The following EXOSC9 variants were observed in gnomAD, a reference collection of about 807,000 sequenced individuals.
The protein encoded by EXOSC9 is exosome complex component RRP45.
EXOSC9 carries 38 observed loss-of-function variants against 56.5 expected under a neutral mutation model. The observed-to-expected ratio is 0.67, with a 90% confidence interval of 0.52 to 0.88. EXOSC9 has a LOEUF of 0.88. EXOSC9 is among the 40% of genes least tolerant of loss of function. The pLI, the probability that EXOSC9 is intolerant of heterozygous loss-of-function variation, is 0.00. For synonymous variants in EXOSC9, 170 were observed against 170.8 expected, an observed-to-expected ratio of 0.99 and a Z score of 0.04; for missense variants, 559 against 530.5, an observed-to-expected ratio of 1.05 and a Z score of -0.53.
chr4:121,804,483 T>C, intron 4 of EXOSC9, 139 bp from the exon 5 acceptor site: 1 of 508,666 alleles, frequency 2.0e-6, no homozygotes, highest in Non-Finnish European at 3.3e-6. Context: ...AAAATATATT[T>C]TTTGTTGACA....
intron 6 of EXOSC9, 124 bp downstream of exon 6, chr4:121,807,746 C>T (rs1727066532): frequency 1.6e-6 from 1 of 637,556 alleles, no homozygotes; most frequent in Non-Finnish European, 2.8e-6. Flanking sequence ...CTTGTATTTC[C>T]TTTCTTTCTT....
In EXOSC9 at chr4:121,816,950, T is replaced by C. The variant is rs949102818; in HGVS notation, c.*94T>C. The C allele has an allele frequency of 8.3e-7, 1 of 1,201,812 alleles. No homozygotes were observed. The highest frequency in any genetic ancestry group is 1.1e-6 in the Non-Finnish European group (1 of 895,486). The allele number at this position is 1,201,812 out of a possible 1,614,324, so 74.4% of individuals were successfully genotyped here. A position where few individuals can be genotyped will look rare whatever the true frequency, so the allele number is the denominator to read the frequency against. Reference sequence around the variant, plus strand: ...GTATTTTTTATTCACAAATCCATTATAAAATCTAGCAGGATTTTAAAAATA... The same window carrying C: ...GTATTTTTTATTCACAAATCCATTACAAAATCTAGCAGGATTTTAAAAATA... On this transcript the variant is annotated 3_prime_UTR_variant, in exon 12 of 12. Transcript: ENST00000243498.
At chr4:121,803,551 A>AT (rs1266766092) in intron 4 of EXOSC9, among the ~76,000 whole-genome samples, 6 of 151,818 alleles carry the variant, frequency 4.0e-5, no homozygotes, top group African/African-American at 9.7e-5. Flanking sequence ...ATTTTGTTTT[A>AT]TTTTTTTGAG....
At chr4:121,802,864 A>G in intron 3 of EXOSC9, 51 bp from the exon 4 acceptor site, 1 of 1,609,996 alleles carries the variant, frequency 6.2e-7, no homozygotes, top group Non-Finnish European at 8.5e-7. Context: ...TTGTTTTAAT[A>G]CCTGGTGTTA....
chr4:121,804,781 G>T, intron 5 of EXOSC9, 22 bp downstream of exon 5: 2 of 1,550,444 alleles, frequency 1.3e-6, no homozygotes, highest in Non-Finnish European at 1.8e-6. Context: ...TGTGAACCAG[G>T]ATCCTTGATA....
At chr4:121,810,126 A>C in intron 7 of EXOSC9, 27 bp downstream of exon 7, 1 of 1,600,118 alleles carries the variant, frequency 6.2e-7, no homozygotes, top group Non-Finnish European at 8.5e-7. Flanking sequence ...ATGTCCCATT[A>C]ATAATAGGTT....
In EXOSC9 at chr4:121,810,969, A is replaced by G. The variant is rs149148404; in HGVS notation, c.739-614A>G. Reference sequence around the variant, plus strand: ...TTGGCAGTAGTTCTGAAACCCAGCTATATATCATATTCACATGGGAGCTTT... The same window carrying G: ...TTGGCAGTAGTTCTGAAACCCAGCTGTATATCATATTCACATGGGAGCTTT... On this transcript the variant is annotated intron_variant, in intron 7 of 11. Coordinates refer to ENST00000243498, the MANE Select transcript of EXOSC9 (RefSeq NM_005033.3). Among the ~76,000 whole-genome samples, 632 of 152,324 alleles carry G rather than the reference A, an allele frequency of 4.1e-3. 10 individuals carry two copies. The highest frequency in any genetic ancestry group is 0.014 in the African/African-American group (592 of 41,586).
At chr4:121,805,259 C>A (rs1016273139) in intron 5 of EXOSC9, among the ~76,000 whole-genome samples, 2 of 152,218 alleles carry the variant, frequency 1.3e-5, no homozygotes, top group African/African-American at 4.8e-5. Context: ...CAAAGTAAAA[C>A]AGGGCTAGGA....
At position 121,808,836 on chromosome 4, in the gene EXOSC9, A is replaced by T. The variant is rs529921845; in HGVS notation, c.606-1131A>T. ...GGGACCACAGGTGCACACCATGCCC[A>T]GCTAATTTCTTTATTTTTTGTAGAG... On this transcript the variant is annotated intron_variant, in intron 6 of 11. Transcript: ENST00000243498. Among the ~76,000 whole-genome samples, 15 of 151,678 alleles carry T rather than the reference A, an allele frequency of 9.9e-5. 1 individual carries two copies. The South Asian group carries it at 2.5e-3, about 25-fold the overall frequency.
At chr4:121,802,837 C>A (rs1230859754) in intron 3 of EXOSC9, 44 bp downstream of exon 3, 7 of 1,612,644 alleles carry the variant, frequency 4.3e-6, no homozygotes, top group Non-Finnish European at 5.9e-6. Flanking sequence ...ATAGGAGAAC[C>A]TAACAGCAGT....
intron 10 of EXOSC9, chr4:121,815,314 C>G: frequency 1.0e-6 from 1 of 956,912 alleles, no homozygotes; most frequent in Non-Finnish European, 1.2e-6. Context: ...TGTTAATATC[C>G]TTGCACTTGC....
intron 6 of EXOSC9, chr4:121,809,731 A>G (rs1727152399): frequency 5.6e-6 from 3 of 535,236 alleles, no homozygotes; most frequent in Non-Finnish European, 1.0e-5. Context: ...AGTAAATCCA[A>G]TCTGAACTTA....
chr4:121,801,884 G>C lies in EXOSC9; in HGVS notation c.124G>C (p.Asp42His), dbSNP rs1726878090. The C allele has an allele frequency of 6.2e-7, 1 of 1,613,888 alleles. No homozygotes were observed. Among genetic ancestry groups the C allele is most frequent in the Non-Finnish European group, 8.5e-7 (1 of 1,179,878 alleles). ...YRNIRISFGT[D>H]YGCCIVELGK... Reference sequence around the variant, plus strand: ...GAACATCAGGATCTCATTTGGAACAGATTACGGATGCTGCATTGTGGAACT... The same window carrying C: ...GAACATCAGGATCTCATTTGGAACACATTACGGATGCTGCATTGTGGAACT... The change falls in exon 2 of 12, where the codon GAT becomes CAT. Residue 42 changes from aspartate (D) to histidine (H), a missense_variant. By Grantham distance (81) the Asp-to-His change is moderately conservative. Coordinates refer to ENST00000243498, the MANE Select transcript of EXOSC9 (RefSeq NM_005033.3).
chr4:121,814,800 C>T (rs940886094), intron 10 of EXOSC9: 22 of 152,076 alleles, frequency 1.4e-4, no homozygotes, highest in Non-Finnish European at 2.9e-5. Flanking sequence ...TAGTCCTAGA[C>T]GTTTCTTGCA....
chr4:121,803,043 A>G (rs1233363507), intron 4 of EXOSC9, 26 bp downstream of exon 4: 2 of 1,449,486 alleles, frequency 1.4e-6, no homozygotes, highest in Admixed American at 3.4e-5. Context: ...ATAATTCTTA[A>G]TCTTAGGATG....
intron 10 of EXOSC9, chr4:121,815,529 CTAAT>C (rs1286503366): frequency 2.0e-6 from 2 of 984,790 alleles, no homozygotes; most frequent in African/African-American, 1.7e-5. Context: ...ATATCATTAA[CTAAT>C]AAGCAGGAGA....
intron 8 of EXOSC9, among the ~76,000 whole-genome samples, chr4:121,812,153 T>C (rs1487957443): frequency 6.6e-6 from 1 of 152,234 alleles, no homozygotes; most frequent in African/African-American, 2.4e-5. Flanking sequence ...ACCCACTTAT[T>C]GCAAAATGCA....
chr4:121,801,843 A>G lies in EXOSC9; in HGVS notation c.83A>G (p.Gln28Arg), dbSNP rs762186864. The change falls in exon 2 of 12, where the codon CAA (glutamine) becomes CGA (arginine). Residue 28 changes from glutamine to arginine, a missense_variant. By Grantham distance (43) the Gln-to-Arg change is conservative. Transcript: ENST00000243498. ...TGCTTACAGCGGCTGGATGGCAGAC[A>G]AACCTATGATTATAGGAACATCAGG... is the stretch of plus-strand genomic sequence containing the variant. ...IEEKKRLDGRQTYDYRNIRIS... is the reference protein window; with the variant it reads ...IEEKKRLDGRRTYDYRNIRIS... 1 of 1,613,592 alleles carries G rather than the reference A, an allele frequency of 6.2e-7. No homozygotes were observed. The highest frequency in any genetic ancestry group is 8.5e-7 in the Non-Finnish European group (1 of 1,179,446).
Position 121,813,215 on chromosome 4 carries a change from A to G in EXOSC9, c.828-19A>G. 6.3e-7 allele frequency: 1 copy of G among 1,589,768 alleles called. No homozygotes were observed. Among genetic ancestry groups the G allele is most frequent in the Non-Finnish European group, 8.6e-7 (1 of 1,168,570 alleles). On this transcript the variant is annotated intron_variant, in intron 8 of 11. Coordinates refer to ENST00000243498, the MANE Select transcript of EXOSC9 (RefSeq NM_005033.3). ...CCTTCCTCCCCCTTCCTTCCCACCA[A>G]AAAAACCCCCACATACAGGAAAGAA...
Sources: allele counts gnomAD v4.1 joint callset (sites outside exome capture counted in the v4.1 genomes callset), GRCh38; gene constraint gnomAD v4.1.1; transcripts MANE v1.5; gene names NCBI Gene and HGNC (gene_info 2026-07-23, HGNC 2026-07-21).